Variants in UMAD1 observed in about 807,000 individuals in gnomAD.
UMAD1 encodes the protein UBAP1-MVB12-associated (UMA)-domain containing protein 1.
A neutral mutation model predicts 6.1 loss-of-function variants in UMAD1; 8 were observed. The observed-to-expected ratio is 1.30, with a 90% CI of 0.76 to 2.35. UMAD1 has a LOEUF of 2.35. UMAD1 is among the 30% of genes most tolerant of loss of function. The pLI, the probability that UMAD1 is intolerant of heterozygous loss-of-function variation, is 0.00. For missense variants in UMAD1, 130 were observed against 78.4 expected, an observed-to-expected ratio of 1.66 and a Z score of -2.49; for synonymous variants, 56 against 31.4, an observed-to-expected ratio of 1.78 and a Z score of -2.61.
At chr7:7,714,384 T>C (rs936923057) in intron 2 of UMAD1, among the ~76,000 whole-genome samples, 7 of 152,350 alleles carry the variant, frequency 4.6e-5, no homozygotes, top group African/African-American at 1.7e-4. Context: ...TATGTACTTG[T>C]TTATTATAAT....
intron 3 of UMAD1, among the ~76,000 whole-genome samples, chr7:7,810,206 CAA>C (rs35409705): frequency 0.22 from 32,778 of 151,826 alleles, 3,472 homozygotes; most frequent in Middle Eastern, 0.26. Flanking sequence ...TTTACTCACA[CAA>C]GATATTCATA....
chr7:7,834,442 TCTGCTCAGG>T (rs1051637939), intron 3 of UMAD1, among the ~76,000 whole-genome samples: 3 of 152,198 alleles, frequency 2.0e-5, no homozygotes, highest in Admixed American at 6.5e-5. Flanking sequence ...ACTGTCTCAG[TCTGCTCAGG>T]CTGCTGTAAC....
intron 1 of UMAD1, among the ~76,000 whole-genome samples, chr7:7,653,309 T>TGACTCA (rs1305935325): frequency 2.6e-5 from 4 of 152,252 alleles, no homozygotes; most frequent in Admixed American, 2.0e-4. Context: ...TTAATTTAGA[T>TGACTCA]GACTCAAGAT....
intron 3 of UMAD1, among the ~76,000 whole-genome samples, chr7:7,827,145 A>ATG (rs1162912790): frequency 5.0e-4 from 68 of 135,416 alleles, no homozygotes; most frequent in Middle Eastern, 7.5e-3. Flanking sequence ...ATATATATAT[A>ATG]TATGTGTGTG....
intron 3 of UMAD1, among the ~76,000 whole-genome samples, chr7:7,823,275 TTAACTA>T (rs1385183209): frequency 2.6e-5 from 4 of 152,186 alleles, no homozygotes; most frequent in African/African-American, 7.2e-5. Context: ...CTTTTTTCCC[TTAACTA>T]TGATTGCCAG....
chr7:7,743,493 AC>A (rs1189776164), intron 2 of UMAD1, among the ~76,000 whole-genome samples: 3 of 152,064 alleles, frequency 2.0e-5, no homozygotes, highest in Non-Finnish European at 2.9e-5. Context: ...GATATCTTTT[AC>A]AGATTTTTTT....
At chr7:7,731,801 C>A (rs532653654) in intron 2 of UMAD1, among the ~76,000 whole-genome samples, 2 of 152,186 alleles carry the variant, frequency 1.3e-5, no homozygotes, top group Admixed American at 6.5e-5. Context: ...GTAAAAGAAG[C>A]CTTAAGTATA....
At chr7:7,861,076 C>T (rs1242960546) in intron 3 of UMAD1, among the ~76,000 whole-genome samples, 1 of 152,020 alleles carries the variant, frequency 6.6e-6, no homozygotes, top group African/African-American at 2.4e-5. Context: ...AAAGTGTTTA[C>T]AAAAAGCTTA....
At chr7:7,854,013 C>T (rs997829692) in intron 3 of UMAD1, among the ~76,000 whole-genome samples, 7 of 151,988 alleles carry the variant, frequency 4.6e-5, no homozygotes, top group South Asian at 2.1e-4. Context: ...TGTATTAGTC[C>T]GTTCTCACGT....
At chr7:7,776,033 A>T (rs920383825) in intron 2 of UMAD1, among the ~76,000 whole-genome samples, 2 of 151,834 alleles carry the variant, frequency 1.3e-5, no homozygotes, top group South Asian at 2.1e-4. Context: ...TGATACTTGA[A>T]AATGTGTAAT....
chr7:7,680,378 A>G (rs1779879895), intron 2 of UMAD1, among the ~76,000 whole-genome samples: 1 of 151,952 alleles, frequency 6.6e-6, no homozygotes, highest in Non-Finnish European at 1.5e-5. Context: ...TGGGTTCTGT[A>G]TTTGGTTCCA....
intron 2 of UMAD1, among the ~76,000 whole-genome samples, chr7:7,682,430 A>G (rs1361715147): frequency 6.6e-6 from 1 of 152,146 alleles, no homozygotes; most frequent in African/African-American, 2.4e-5. Context: ...CATTTAAACT[A>G]TCATATTTTT....
chr7:7,761,860 A>G (rs1781896346), intron 2 of UMAD1, among the ~76,000 whole-genome samples: 1 of 152,080 alleles, frequency 6.6e-6, no homozygotes, highest in Non-Finnish European at 1.5e-5. Context: ...TCTCTTCTGT[A>G]TCTTTTCTTT....
chr7:7,851,378 A>T (rs556727830), intron 3 of UMAD1, among the ~76,000 whole-genome samples: 6 of 152,282 alleles, frequency 3.9e-5, no homozygotes, highest in African/African-American at 1.2e-4. Flanking sequence ...TTTATGTACA[A>T]GTATTTGTTT....
At chr7:7,803,032 C>G (rs368345764) in intron 3 of UMAD1, among the ~76,000 whole-genome samples, 4 of 152,258 alleles carry the variant, frequency 2.6e-5, no homozygotes, top group African/African-American at 9.6e-5. Context: ...TTCATTCTTT[C>G]ACTTATGCAT....
At chr7:7,745,265 G>A (rs1012946186) in intron 2 of UMAD1, among the ~76,000 whole-genome samples, 2 of 152,164 alleles carry the variant, frequency 1.3e-5, no homozygotes, top group African/African-American at 2.4e-5. Flanking sequence ...AGAGGGGGAA[G>A]AAAATACACG....
intron 2 of UMAD1, among the ~76,000 whole-genome samples, chr7:7,699,328 T>G (rs1011279936): frequency 1.3e-5 from 2 of 152,240 alleles, no homozygotes; most frequent in African/African-American, 4.8e-5. Flanking sequence ...TTTAAATATA[T>G]TTATGCTTTA....
At chr7:7,702,983 C>T (rs1780500246) in intron 2 of UMAD1, among the ~76,000 whole-genome samples, 2 of 152,166 alleles carry the variant, frequency 1.3e-5, no homozygotes, top group Non-Finnish European at 2.9e-5. Context: ...TTATCATGTG[C>T]TCCTTGAAGC....
chr7:7,702,358 GTTTTAATATGACATATT>G (rs1230039205), intron 2 of UMAD1, among the ~76,000 whole-genome samples: 2 of 152,122 alleles, frequency 1.3e-5, no homozygotes, highest in East Asian at 3.9e-4. Context: ...ATTCAGTGCA[GTTTTAATATGACATATT>G]TTATTATCTC....
Sources: allele counts gnomAD v4.1 joint callset (sites outside exome capture counted in the v4.1 genomes callset), GRCh38; gene constraint gnomAD v4.1.1; transcripts MANE v1.5; gene names NCBI Gene and HGNC (gene_info 2026-07-23, HGNC 2026-07-21).